The following ALK variants were observed in gnomAD, a reference collection of about 807,000 sequenced individuals.
ALK encodes the protein ALK tyrosine kinase receptor.
In ALK, 74 loss-of-function variants were observed where a neutral mutation model predicts 163.1. The ratio of observed to expected loss-of-function variants is 0.45; its 90% CI spans 0.38 to 0.55. ALK has a LOEUF of 0.55. ALK is among the 20% of genes least tolerant of loss of function. The probability of loss-of-function intolerance (pLI) is 0.00; values close to 1 mark genes in which losing one functional copy is unlikely to be tolerated. For missense variants in ALK, 2,063 were observed against 2,105.3 expected, an observed-to-expected ratio of 0.98 and a Z score of 0.39; for synonymous variants, 960 against 843.2, an observed-to-expected ratio of 1.14 and a Z score of -2.40.
At chr2:29,652,031 A>G (rs891703572) in intron 3 of ALK, among the ~76,000 whole-genome samples, 1 of 152,110 alleles carries the variant, frequency 6.6e-6, no homozygotes, top group Non-Finnish European at 1.5e-5. Context: ...AAAAAATGAT[A>G]CTTTACAGAG....
At chr2:29,767,851 A>G (rs1436345163) in intron 1 of ALK, among the ~76,000 whole-genome samples, 1 of 152,240 alleles carries the variant, frequency 6.6e-6, no homozygotes, top group South Asian at 2.1e-4. Flanking sequence ...GTCAACAGGG[A>G]TGTCAAACAG....
At chr2:29,363,723 C>A (rs1199217628) in intron 5 of ALK, among the ~76,000 whole-genome samples, 5 of 152,200 alleles carry the variant, frequency 3.3e-5, no homozygotes, top group Non-Finnish European at 5.9e-5. Flanking sequence ...CTCTTTAATT[C>A]ATCATTCTCA....
At chr2:29,564,445 C>G (rs1027332269) in intron 3 of ALK, among the ~76,000 whole-genome samples, 1 of 108,054 alleles carries the variant, frequency 9.3e-6, no homozygotes, top group East Asian at 2.3e-4. Context: ...ACCACCACCC[C>G]CACCGCCACC....
chr2:29,812,509 C>A (rs1664783039), intron 1 of ALK, among the ~76,000 whole-genome samples: 2 of 152,238 alleles, frequency 1.3e-5, no homozygotes, highest in South Asian at 2.1e-4. Context: ...GTCTTCTATG[C>A]ACCACTCACC....
At chr2:29,286,014 C>T (rs1423438390) in intron 9 of ALK, among the ~76,000 whole-genome samples, 1 of 152,250 alleles carries the variant, frequency 6.6e-6, no homozygotes, top group Admixed American at 6.5e-5. Flanking sequence ...CATCTCCAAG[C>T]CTCTGCTTTC....
intron 1 of ALK, among the ~76,000 whole-genome samples, chr2:29,897,446 A>C (rs530132652): frequency 1.3e-5 from 2 of 152,344 alleles, no homozygotes; most frequent in South Asian, 2.1e-4. Flanking sequence ...CAGTTTAAAA[A>C]CAATTGTAAA....
At chr2:29,265,852 G>C (rs1035925141) in intron 11 of ALK, among the ~76,000 whole-genome samples, 2 of 152,154 alleles carry the variant, frequency 1.3e-5, no homozygotes, top group African/African-American at 4.8e-5. Flanking sequence ...GCTGGGTGTG[G>C]TGGCAGGTGC....
chr2:29,436,465 T>C (rs1169820032), intron 4 of ALK, among the ~76,000 whole-genome samples: 3 of 152,212 alleles, frequency 2.0e-5, no homozygotes, highest in African/African-American at 7.2e-5. Flanking sequence ...CATCAAATTA[T>C]TACCTCCAAA....
At chr2:29,611,110 T>A (rs1164264393) in intron 3 of ALK, among the ~76,000 whole-genome samples, 1 of 152,058 alleles carries the variant, frequency 6.6e-6, no homozygotes. Flanking sequence ...TCAGACCAAA[T>A]GTGATACCCC....
chr2:29,404,258 C>T (rs1292561419), intron 4 of ALK, among the ~76,000 whole-genome samples: 2 of 147,478 alleles, frequency 1.4e-5, no homozygotes, highest in African/African-American at 2.5e-5. Context: ...GAGCCCAGAT[C>T]ATGCCACTGA....
chr2:29,737,440 G>T (rs921741089), intron 1 of ALK, among the ~76,000 whole-genome samples: 4 of 152,044 alleles, frequency 2.6e-5, no homozygotes, highest in East Asian at 1.9e-4. Context: ...TTTAAAAAAT[G>T]GGTCTGGATG....
intron 5 of ALK, among the ~76,000 whole-genome samples, chr2:29,329,173 C>T (rs947290410): frequency 6.6e-6 from 1 of 152,006 alleles, no homozygotes; most frequent in African/African-American, 2.4e-5. Flanking sequence ...TTAATTTTAT[C>T]CAGAGGGGGA....
At chr2:29,696,530 TAAAAAA>T (rs60320646) in intron 2 of ALK, among the ~76,000 whole-genome samples, 2 of 103,852 alleles carry the variant, frequency 1.9e-5, no homozygotes, top group Admixed American at 1.0e-4. Flanking sequence ...CTTAAAGGAT[TAAAAAA>T]AAAAAAAAAA....
intron 1 of ALK, among the ~76,000 whole-genome samples, chr2:29,812,490 C>T (rs545393914): frequency 6.6e-6 from 1 of 152,282 alleles, no homozygotes; most frequent in African/African-American, 2.4e-5. Context: ...CTACTAACAA[C>T]TGCTGAGTGT....
At chr2:29,627,355 G>A (rs1676223187) in intron 3 of ALK, among the ~76,000 whole-genome samples, 1 of 152,182 alleles carries the variant, frequency 6.6e-6, no homozygotes, top group South Asian at 2.1e-4. Flanking sequence ...GTATTTGCCT[G>A]CTCACCACTC....
chr2:29,394,974 G>A (rs1669268957), intron 4 of ALK, among the ~76,000 whole-genome samples: 1 of 151,788 alleles, frequency 6.6e-6, no homozygotes, highest in South Asian at 2.1e-4. Flanking sequence ...AGTCCAGTCT[G>A]CCTCCAGCTT....
intron 4 of ALK, among the ~76,000 whole-genome samples, chr2:29,503,353 T>A (rs1308433781): frequency 3.9e-5 from 6 of 152,232 alleles, no homozygotes; most frequent in Non-Finnish European, 8.8e-5. Context: ...AATTCATTCA[T>A]CATTTCAACA....
chr2:29,494,876 GCA>G (rs67614333), intron 4 of ALK, among the ~76,000 whole-genome samples: 12 of 147,214 alleles, frequency 8.2e-5, no homozygotes, highest in African/African-American at 2.2e-4. Flanking sequence ...GTGTGTGTGT[GCA>G]TGCATGTGTA....
At chr2:29,748,360 T>C (rs901560498) in intron 1 of ALK, among the ~76,000 whole-genome samples, 7 of 152,274 alleles carry the variant, frequency 4.6e-5, no homozygotes, top group South Asian at 4.1e-4. Context: ...AGCCCACACA[T>C]AGCAAGTGCT....
Sources: allele counts gnomAD v4.1 joint callset (sites outside exome capture counted in the v4.1 genomes callset), GRCh38; gene constraint gnomAD v4.1.1; transcripts MANE v1.5; gene names NCBI Gene and HGNC (gene_info 2026-07-23, HGNC 2026-07-21).